The following DGKZ variants were observed in gnomAD, a reference collection of about 807,000 sequenced individuals.
DGKZ encodes the protein DAG kinase zeta.
In DGKZ, 45 loss-of-function variants were observed where a neutral mutation model predicts 142.5. The observed-to-expected ratio is 0.32, with a 90% CI of 0.25 to 0.40. The LOEUF (loss-of-function observed/expected upper bound fraction) is 0.40, where lower values mean the gene tolerates loss of function less well. Ranked by LOEUF, DGKZ falls within the 10% of genes least tolerant of loss-of-function variation. The pLI, the probability that DGKZ is intolerant of heterozygous loss-of-function variation, is 1.00. For synonymous variants in DGKZ, 442 were observed against 527.0 expected, an observed-to-expected ratio of 0.84 and a Z score of 2.21; for missense variants, 755 against 1,306.5, an observed-to-expected ratio of 0.58 and a Z score of 6.51.
intron 1 of DGKZ, among the ~76,000 whole-genome samples, chr11:46,340,050 T>C (rs1409941784): frequency 6.6e-6 from 1 of 152,184 alleles, no homozygotes; most frequent in East Asian, 1.9e-4. Context: ...GGGCCGCAGC[T>C]TACAAATGAG....
rs1361354411 is a variant in DGKZ at position 46,347,828 on chromosome 11, GGGC to G, written c.161+17_161+19del. 1 of 1,273,202 alleles carries G rather than the reference GGGC, an allele frequency of 7.9e-7. No individual in the cohort carries two copies. Among genetic ancestry groups the G allele is most frequent in the Non-Finnish European group, 9.9e-7 (1 of 1,007,650 alleles). 78.9% of individuals were successfully genotyped at this position (1,273,202 alleles called of 1,614,324 possible). On this transcript the variant is annotated intron_variant, in intron 1 of 30. Transcript: ENST00000527911. The surrounding 1 kb of genome is among the most constrained non-coding windows in gnomAD (Gnocchi z 6.4). Reference sequence around the variant, plus strand: ...GCGGCTCTTCGGGCACAGGTGAGCGGGGCGGCGGCGGGGCAGGCACCGAGGCAC... The same window carrying G: ...GCGGCTCTTCGGGCACAGGTGAGCGGGGCGGCGGGGCAGGCACCGAGGCAC...
Position 46,370,018 on chromosome 11 carries a change from C to A in DGKZ, c.570+9C>A. On this transcript the variant is annotated intron_variant, in intron 6 of 30. Transcript: ENST00000527911. Reference sequence around the variant, plus strand: ...GTCGGCACTGTGGGAAGGTGAGAGGCCCTGCCCGAGGACATCGCCACCTGC... The same window carrying A: ...GTCGGCACTGTGGGAAGGTGAGAGGACCTGCCCGAGGACATCGCCACCTGC... 3 of 1,613,574 alleles carry A rather than the reference C, an allele frequency of 1.9e-6. No individual in the cohort carries two copies. The highest frequency in any genetic ancestry group is 2.5e-6 in the Non-Finnish European group (3 of 1,179,996).
intron 1 of DGKZ, chr11:46,366,577 C>G (rs766469311): frequency 6.8e-6 from 11 of 1,607,002 alleles, no homozygotes; most frequent in Non-Finnish European, 9.3e-6. Flanking sequence ...TGGGTGCACC[C>G]CTGCTGTTGA....
Position 46,376,325 on chromosome 11 carries a change from C to T in DGKZ, c.2092-3C>T, listed in dbSNP as rs1316695284. On this transcript the variant is annotated splice_polypyrimidine_tract_variant and splice_region_variant and intron_variant, in intron 22 of 30. Coordinates refer to ENST00000527911, the Ensembl canonical transcript of DGKZ. ...CCAGCCTGGCCTTTGCTTCTCTCAACAGGAGCCCGATGGTGCTGGAGCCAA... is the reference window on the plus strand; with the variant it reads ...CCAGCCTGGCCTTTGCTTCTCTCAATAGGAGCCCGATGGTGCTGGAGCCAA... 1.2e-6 allele frequency: 2 copies of T among 1,614,026 alleles called. No homozygotes were observed. Among genetic ancestry groups the T allele is most frequent in the East Asian group, 2.2e-5 (1 of 44,890 alleles).
chr11:46,345,695 C>T (rs1940544863), upstream of DGKZ: 1 of 1,124,662 alleles, frequency 8.9e-7, no homozygotes, highest in Non-Finnish European at 1.2e-6. The surrounding 1 kb of genome is among the most constrained non-coding windows in gnomAD (Gnocchi z 4.1). Context: ...TCATCCAGCA[C>T]TCTGCAGAGG....
intron 30 of DGKZ, 126 bp from the exon 31 acceptor site, chr11:46,379,705 G>A: frequency 8.7e-6 from 11 of 1,267,770 alleles, no homozygotes; most frequent in Non-Finnish European, 1.2e-5. Context: ...AGCAGGGGAG[G>A]AGCTGGTGGG....
At chr11:46,374,052 A>G (rs1944274823) in intron 14 of DGKZ, 105 bp from the exon 15 acceptor site, 1 of 1,268,132 alleles carries the variant, frequency 7.9e-7, no homozygotes. Flanking sequence ...TGACCAGGAA[A>G]AGCCTGTGAA....
intron 19 of DGKZ, 54 bp downstream of exon 19, chr11:46,375,099 G>A: frequency 6.8e-7 from 1 of 1,481,258 alleles, no homozygotes; most frequent in Non-Finnish European, 9.0e-7. Flanking sequence ...AGGTGGAAGG[G>A]GTCACCCATA....
intron 14 of DGKZ, 84 bp downstream of exon 14, chr11:46,373,185 G>T: frequency 1.4e-6 from 2 of 1,437,640 alleles, no homozygotes; most frequent in South Asian, 2.8e-5. Context: ...CTGGGACCTC[G>T]GGCGTGTCTC....
At chr11:46,354,719 T>A (rs1383067407) in intron 1 of DGKZ, among the ~76,000 whole-genome samples, 1 of 152,230 alleles carries the variant, frequency 6.6e-6, no homozygotes, top group Non-Finnish European at 1.5e-5. Flanking sequence ...TGCCTGTTTT[T>A]AAAATTGTCC....
upstream of DGKZ, among the ~76,000 whole-genome samples, chr11:46,346,276 G>C (rs1346871862): frequency 1.3e-5 from 2 of 152,238 alleles, no homozygotes; most frequent in African/African-American, 2.4e-5. Context: ...GGTGACACAG[G>C]ATGTGGCTTG....
intron 15 of DGKZ, 53 bp from the exon 16 acceptor site, chr11:46,374,346 C>A: frequency 6.2e-7 from 1 of 1,613,406 alleles, no homozygotes; most frequent in South Asian, 1.1e-5. Flanking sequence ...CCCCCAACCC[C>A]ACCTGGGCAG....
chr11:46,355,851 A>G (rs1941959648), intron 1 of DGKZ, among the ~76,000 whole-genome samples: 1 of 151,938 alleles, frequency 6.6e-6, no homozygotes, highest in Non-Finnish European at 1.5e-5. Context: ...GGTTCAAGCG[A>G]TTCACCTGCC....
intron 1 of DGKZ, among the ~76,000 whole-genome samples, chr11:46,348,259 C>T (rs1163865801): frequency 6.6e-6 from 1 of 152,190 alleles, no homozygotes; most frequent in Non-Finnish European, 1.5e-5. Flanking sequence ...GGGATCACAC[C>T]GCCCTTTGGA....
At chr11:46,376,200 C>T (rs1280757026) in intron 22 of DGKZ, 55 bp downstream of exon 22, 5 of 1,606,898 alleles carry the variant, frequency 3.1e-6, no homozygotes, top group African/African-American at 1.3e-5. Context: ...GGAAGTGAGG[C>T]CAGGCCTCTT....
intron 28 of DGKZ, 44 bp from the exon 29 acceptor site, chr11:46,379,159 G>C: frequency 6.2e-7 from 1 of 1,612,220 alleles, no homozygotes; most frequent in East Asian, 2.2e-5. Flanking sequence ...GTGGGAGGAG[G>C]AGGGGCTGCC....
exon 16 of DGKZ, chr11:46,374,436 T>C: frequency 6.2e-7 from 1 of 1,614,062 alleles, no homozygotes; most frequent in Non-Finnish European, 8.5e-7. Context: ...GCTTTCGGAA[T>C]AAGATGTTCT....
At chr11:46,376,698 C>A in intron 24 of DGKZ, 134 bp downstream of exon 24, 1 of 1,234,866 alleles carries the variant, frequency 8.1e-7, no homozygotes, top group Non-Finnish European at 1.2e-6. Context: ...TTTACTATTG[C>A]CTGTGTGCAT....
In DGKZ at chr11:46,371,476, G is replaced by C. The variant is rs376234143; in HGVS notation, c.643-11G>C. The C allele has an allele frequency of 2.5e-6, 4 of 1,599,802 alleles. No homozygotes were observed. Among genetic ancestry groups the C allele is most frequent in the Middle Eastern group, 1.7e-4 (1 of 5,996 alleles). The stretch of plus-strand genomic sequence containing the variant: ...ACGGTCCCGCTGAGCCCGGCCCCTC[G>C]CTCTCCTCAGTACCACAGCAAGGTG... On this transcript the variant is annotated splice_polypyrimidine_tract_variant and intron_variant, in intron 7 of 30. Coordinates refer to ENST00000527911, the Ensembl canonical transcript of DGKZ.
Sources: allele counts gnomAD v4.1 joint callset (sites outside exome capture counted in the v4.1 genomes callset), GRCh38; gene constraint gnomAD v4.1.1; non-coding constraint Gnocchi (gnomAD v3.1); transcripts MANE v1.5; gene names NCBI Gene and HGNC (gene_info 2026-07-23, HGNC 2026-07-21).